The following RYR1 variants were observed in gnomAD, a reference collection of about 807,000 sequenced individuals.
RYR1 encodes central core disease of muscle.
A neutral mutation model predicts 583.5 loss-of-function variants in RYR1; 342 were observed. The observed-to-expected ratio is 0.59, with a 90% CI of 0.54 to 0.64. The LOEUF (loss-of-function observed/expected upper bound fraction) is 0.64. Among genes scored for constraint, RYR1 ranks in the 30% least tolerant of loss-of-function variants. RYR1 has a pLI of 0.00. For missense variants in RYR1, 6,032 were observed against 6,917.2 expected (o/e 0.87, Z 4.54); for synonymous variants, 2,791 against 2,822.5 (o/e 0.99, Z 0.35).
chr19:38,561,057 AGAG>A lies in RYR1; in HGVS notation c.12283-55_12283-53del, dbSNP rs368142373. 1.2e-3 allele frequency: 1,653 copies of A among 1,356,786 alleles called. 5 individuals are homozygous for A. Among genetic ancestry groups the A allele is most frequent in the African/African-American group, 0.012 (761 of 64,030 alleles). 84.0% of individuals were successfully genotyped at this position (1,356,786 alleles called of 1,614,324 possible). On this transcript the variant is annotated intron_variant, in intron 89 of 105. Transcript: ENST00000359596. This position sits in a 1 kb window ranked among gnomAD's most constrained non-coding sequence, Gnocchi z 4.8. ...CCTTGTCTTAAAAAAAAAAAAAAAA[AGAG>A]AGAGAATTGAGGCTCTCCAGGTCAC... is the stretch of plus-strand genomic sequence containing the variant.
In RYR1 at chr19:38,469,122, G is replaced by A. The variant is rs1386014131; in HGVS notation, c.3538G>A (p.Glu1180Lys). ...SDSGSETAFR[E>K]IEIGDGFLPV... ...CTCAGGCTCCGAAACAGCCTTCCGG[G>A]AGATTGAGATTGGGGACGGTGAGGG... is the stretch of plus-strand genomic sequence containing the variant. The change falls in exon 26 of 106, where the codon GAG becomes AAG. Residue 1180 changes from glutamate (E) to lysine (K), a missense_variant. Physicochemically the swap from Glu to Lys is moderately conservative, Grantham distance 56 (BLOSUM62 1). Around this residue, in one of 11 missense-constraint regions of RYR1, gnomAD observed 2,627 missense variants for 2,961.3 expected, o/e 0.89. Transcript: ENST00000359596. The A allele has an allele frequency of 6.2e-7, 1 of 1,614,040 alleles. No individual in the cohort carries two copies. The highest frequency in any genetic ancestry group is 8.5e-7 in the Non-Finnish European group (1 of 1,180,028).
intron 49 of RYR1, 112 bp from the exon 50 acceptor site, chr19:38,504,108 C>T: frequency 1.7e-6 from 1 of 574,816 alleles, no homozygotes; most frequent in Non-Finnish European, 2.3e-6. Context: ...ATAACCCACA[C>T]CTCCTTCATA....
rs114656643 is a variant in RYR1, at chr19:38,494,073, G to A, written c.6275-279G>A. Among the ~76,000 whole-genome samples the A allele has an allele frequency of 6.4e-3, 970 of 152,282 alleles. 13 individuals carry two copies. Among genetic ancestry groups the A allele is most frequent in the African/African-American group, 0.022 (907 of 41,554 alleles). On this transcript the variant is annotated intron_variant, in intron 38 of 105. Coordinates refer to ENST00000359596, the MANE Select transcript of RYR1 (RefSeq NM_000540.3). ...AACCCTAGCCCTTTGGGAGGCCACA[G>A]TAGGAGGATCACTTGAGCCCGGGAG...
At position 38,488,821 on chromosome 19, in the gene RYR1, T is replaced by G. The variant is rs78002878; in HGVS notation, c.5548-356T>G. 2.4e-3 allele frequency among the ~76,000 whole-genome samples: 372 copies of G among 152,352 alleles called. 12 individuals are homozygous for G. The East Asian group carries it at 0.038, about 16-fold the overall frequency. On this transcript the variant is annotated intron_variant, in intron 34 of 105. Coordinates refer to ENST00000359596, the MANE Select transcript of RYR1 (RefSeq NM_000540.3). ...CTCATGTGTTAGCATCTTCATTATG[T>G]TGACTGAGAGCTGGTGTATGCTGGG...
chr19:38,454,880 G>A (rs1967282044), intron 13 of RYR1, among the ~76,000 whole-genome samples: 1 of 152,058 alleles, frequency 6.6e-6, no homozygotes, highest in South Asian at 2.1e-4. Flanking sequence ...TGGTGGGAGT[G>A]GGGTTCCAGT....
chr19:38,521,715 A>T (rs956371512), intron 67 of RYR1, among the ~76,000 whole-genome samples: 11 of 137,842 alleles, frequency 8.0e-5, no homozygotes, highest in South Asian at 2.3e-4. Context: ...AAAAAAGAAA[A>T]TTTTTTTTTT....
In RYR1 at chr19:38,444,479, A is replaced by G; in HGVS notation, c.538-105A>G. 8 of 984,088 alleles carry G rather than the reference A, an allele frequency of 8.1e-6. No individual in the cohort carries two copies. Among genetic ancestry groups the G allele is most frequent in the Non-Finnish European group, 1.1e-5 (7 of 629,546 alleles). 61.0% of individuals were successfully genotyped at this position (984,088 alleles called of 1,614,324 possible). ...GTGATCTCTGATGACTCTGTCTCCC[A>G]TCTGCCGGTTTCCGGGTATCCACCC... On this transcript the variant is annotated intron_variant, in intron 6 of 105. Coordinates refer to ENST00000359596, the MANE Select transcript of RYR1 (RefSeq NM_000540.3). This position sits in a 1 kb window ranked among gnomAD's most constrained non-coding sequence, Gnocchi z 5.1.
At chr19:38,498,661 C>T (rs1483849061) in intron 42 of RYR1, among the ~76,000 whole-genome samples, 1 of 152,106 alleles carries the variant, frequency 6.6e-6, no homozygotes, top group Non-Finnish European at 1.5e-5. Context: ...TCATGCCTCC[C>T]CTTTCTAAAC....
At chr19:38,562,742 G>C (rs1182101921) in intron 90 of RYR1, among the ~76,000 whole-genome samples, 1 of 152,080 alleles carries the variant, frequency 6.6e-6, no homozygotes, top group Non-Finnish European at 1.5e-5. Flanking sequence ...CAGAGTCCCA[G>C]GCCCTTGCAC....
At chr19:38,463,141 G>GCCCCCC (rs34883994) in intron 20 of RYR1, among the ~76,000 whole-genome samples, 2 of 32,952 alleles carry the variant, frequency 6.1e-5, no homozygotes, top group Non-Finnish European at 4.7e-5. Context: ...CAGGCGATCT[G>GCCCCCC]CCCCCCCCCC....
chr19:38,501,103 T>C (rs1970096967), intron 47 of RYR1, 113 bp downstream of exon 47: 2 of 1,000,976 alleles, frequency 2.0e-6, no homozygotes, highest in African/African-American at 3.2e-5. Flanking sequence ...TGTGGACATA[T>C]CATAATCCCC....
At chr19:38,566,848 A>C in intron 91 of RYR1, 63 bp from the exon 92 acceptor site, 1 of 1,560,570 alleles carries the variant, frequency 6.4e-7, no homozygotes, top group East Asian at 2.4e-5. Context: ...TGAGAGGAGC[A>C]GGCAGGCAGC....
Position 38,512,685 on chromosome 19 carries a change from C to T in RYR1, c.9472+202C>T, listed in dbSNP as rs1970785789. Among the ~76,000 whole-genome samples, 1 of 152,142 alleles carries T rather than the reference C, an allele frequency of 6.6e-6. No individual in the cohort carries two copies. Among genetic ancestry groups the T allele is most frequent in the East Asian group, 1.9e-4 (1 of 5,192 alleles). ...GCTCTAACAAAAGACCCTAAGTGGA[C>T]TGGCGCAGTGACTCACACCTGTAAT... On this transcript the variant is annotated intron_variant, in intron 63 of 105. Transcript: ENST00000359596. This position sits in a 1 kb window ranked among gnomAD's most constrained non-coding sequence, Gnocchi z 5.1.
Position 38,565,827 on chromosome 19 carries a change from A to C in RYR1, c.13437+56A>C. 1.5e-6 allele frequency: 2 copies of C among 1,356,102 alleles called. No individual in the cohort carries two copies. Among genetic ancestry groups the C allele is most frequent in the Non-Finnish European group, 1.9e-6 (2 of 1,060,768 alleles). 84.0% of individuals were successfully genotyped at this position (1,356,102 alleles called of 1,614,324 possible). ...GGAAAGATGGGGGATTGGAGGGAGGAAGAGAGCCCGGCTGGGTGGAGACAC... is the reference window on the plus strand; with the variant it reads ...GGAAAGATGGGGGATTGGAGGGAGGCAGAGAGCCCGGCTGGGTGGAGACAC... On this transcript the variant is annotated intron_variant, in intron 91 of 105. Coordinates refer to ENST00000359596, the MANE Select transcript of RYR1 (RefSeq NM_000540.3). This position sits in a 1 kb window ranked among gnomAD's most constrained non-coding sequence, Gnocchi z 4.7.
At position 38,506,332 on chromosome 19, in the gene RYR1, T is replaced by G; in HGVS notation, c.8571T>G (p.Pro2857=). 6.2e-7 allele frequency: 1 copy of G among 1,613,590 alleles called. No individual in the cohort carries two copies. The highest frequency in any genetic ancestry group is 8.5e-7 in the Non-Finnish European group (1 of 1,179,830). Residue 2857 remains proline, a synonymous_variant, in exon 55 of 106, where the codon CCT becomes CCG. Transcript: ENST00000359596. The stretch of plus-strand genomic sequence containing the variant: ...ATGATCCTCGAGAAGGCTACAACCC[T>G]CAGCCCCCCGACCTTAGTGCTGTTA... ...QTYDPREGYN[P]QPPDLSAVTL... is the part of the protein sequence containing the mutation.
At chr19:38,437,643 T>A (rs1972484806) in intron 1 of RYR1, among the ~76,000 whole-genome samples, 1 of 151,952 alleles carries the variant, frequency 6.6e-6, no homozygotes, top group Non-Finnish European at 1.5e-5. Context: ...AGGGAGACCT[T>A]GTCTTTACAA....
chr19:38,520,331 G>A lies in RYR1; in HGVS notation c.10259+877G>A, dbSNP rs142017055. On this transcript the variant is annotated intron_variant, in intron 67 of 105. Coordinates refer to ENST00000359596, the MANE Select transcript of RYR1 (RefSeq NM_000540.3). Reference sequence around the variant, plus strand: ...TCCTCCCACCTCAGCCTCCCAAAGTGTTGGGATTACAGAAGTGAGCCACCA... The same window carrying A: ...TCCTCCCACCTCAGCCTCCCAAAGTATTGGGATTACAGAAGTGAGCCACCA... Among the ~76,000 whole-genome samples, 351 of 147,952 alleles carry A rather than the reference G, an allele frequency of 2.4e-3. 4 individuals are homozygous for A. The highest frequency in any genetic ancestry group is 8.0e-3 in the African/African-American group (324 of 40,298).
At chr19:38,518,482 G>A (rs1460142307) in intron 66 of RYR1, among the ~76,000 whole-genome samples, 2 of 151,994 alleles carry the variant, frequency 1.3e-5, no homozygotes, top group Non-Finnish European at 2.9e-5. Context: ...ATCAGGAGCT[G>A]GGATCAGAGG....
Position 38,440,669 on chromosome 19 carries a change from G to A in RYR1, c.46-76G>A. 3 of 1,555,926 alleles carry A rather than the reference G, an allele frequency of 1.9e-6. No homozygotes were observed. In the South Asian group the frequency reaches 3.4e-5, roughly 18 times the overall value. ...CTTTTTCATAAGGACCAGGGTGGGA[G>A]GAGGGGCCTGTGGTCTGCAGTATTT... On this transcript the variant is annotated intron_variant, in intron 1 of 105. Coordinates refer to ENST00000359596, the MANE Select transcript of RYR1 (RefSeq NM_000540.3).
Sources: gnomAD v4.1 joint callset for allele counts (sites outside exome capture counted in the v4.1 genomes callset) on GRCh38, gnomAD v4.1.1 for gene constraint, gnomAD v4.1.1 regional missense constraint, Gnocchi (gnomAD v3.1) non-coding constraint, MANE v1.5 for transcripts, NCBI Gene and HGNC (gene_info 2026-07-23, HGNC 2026-07-21) for gene names.